The following NFIA variants were observed in gnomAD, a reference collection of about 807,000 sequenced individuals.
NFIA encodes the protein nuclear factor 1 A-type.
NFIA carries 8 observed loss-of-function variants against 62.8 expected under a neutral mutation model. That is an observed-to-expected ratio of 0.13 (90% CI 0.07 to 0.23). The LOEUF (loss-of-function observed/expected upper bound fraction) is 0.23. NFIA is among the 10% of genes least tolerant of loss of function. The pLI is 1.00. For missense variants in NFIA, 410 were observed against 642.1 expected, an observed-to-expected ratio of 0.64 and a Z score of 3.91; for synonymous variants, 235 against 238.1, an observed-to-expected ratio of 0.99 and a Z score of 0.12.
intron 7 of NFIA, among the ~76,000 whole-genome samples, chr1:61,384,985 A>G (rs1664602442): frequency 6.6e-6 from 1 of 152,152 alleles, no homozygotes; most frequent in Non-Finnish European, 1.5e-5. Context: ...TAATCCTAGC[A>G]CTTTCTGAGG....
At chr1:61,136,563 C>T (rs1320023873) in intron 2 of NFIA, among the ~76,000 whole-genome samples, 3 of 151,914 alleles carry the variant, frequency 2.0e-5, no homozygotes, top group East Asian at 1.9e-4. Flanking sequence ...AAACCAATTG[C>T]GAAACATGGA....
At chr1:61,383,139 T>G in intron 6 of NFIA, 98 bp from the exon 7 acceptor site, 1 of 1,446,416 alleles carries the variant, frequency 6.9e-7, no homozygotes, top group Non-Finnish European at 9.5e-7. Flanking sequence ...GGATTTCTCT[T>G]TTTGTTTGTT....
chr1:61,116,340 A>G (rs1646793312), intron 2 of NFIA, among the ~76,000 whole-genome samples: 1 of 152,168 alleles, frequency 6.6e-6, no homozygotes. Flanking sequence ...AAGTGTAAGG[A>G]TTTTTAGTGC....
chr1:61,101,544 C>G (rs1195959414), intron 2 of NFIA, among the ~76,000 whole-genome samples: 2 of 151,670 alleles, frequency 1.3e-5, no homozygotes, highest in Admixed American at 1.3e-4. Context: ...GAAAATGAAA[C>G]AGCAGGAGAA....
intron 7 of NFIA, among the ~76,000 whole-genome samples, chr1:61,387,468 C>CTGTTTTTTTTT (rs1171901984): frequency 1.0e-5 from 1 of 95,480 alleles, no homozygotes; most frequent in African/African-American, 4.1e-5. Flanking sequence ...CAAGCACTTT[C>CTGTTTTTTTTT]TTTTTTTTTT....
intron 7 of NFIA, among the ~76,000 whole-genome samples, chr1:61,398,692 G>C (rs1029854922): frequency 6.6e-6 from 1 of 152,256 alleles, no homozygotes; most frequent in Admixed American, 6.5e-5. Flanking sequence ...TTTAGAAAAG[G>C]CATCACCTCT....
At chr1:61,118,468 A>C (rs1418784082) in intron 2 of NFIA, among the ~76,000 whole-genome samples, 1 of 152,134 alleles carries the variant, frequency 6.6e-6, no homozygotes, top group African/African-American at 2.4e-5. Context: ...GTGCACTTTG[A>C]GTGTGGGAAA....
intron 2 of NFIA, among the ~76,000 whole-genome samples, chr1:61,151,911 C>T (rs182217084): frequency 6.6e-6 from 1 of 152,260 alleles, no homozygotes; most frequent in African/African-American, 2.4e-5. Flanking sequence ...TCTGCAATCA[C>T]CCTCTATACT....
rs542754194 is a variant in NFIA at position 61,120,715 on chromosome 1, C to T, written c.559+32035C>T. 3.3e-5 allele frequency among the ~76,000 whole-genome samples: 5 copies of T among 152,292 alleles called. No homozygotes were observed. The South Asian group carries it at 6.2e-4, about 19-fold the overall frequency. On this transcript the variant is annotated intron_variant, in intron 2 of 10. Transcript: ENST00000403491. Reference sequence around the variant, plus strand: ...CAGTTTGCATTTTGGAAGTTATTAACAATCTGCAGTTAAGTCCATTTAAAA... The same window carrying T: ...CAGTTTGCATTTTGGAAGTTATTAATAATCTGCAGTTAAGTCCATTTAAAA...
In NFIA at chr1:61,200,068, G is replaced by GTGTATATATATATATA. The variant is rs1557632143; in HGVS notation, c.560-77451_560-77450insGTATATATATATATAT. Among the ~76,000 whole-genome samples the GTGTATATATATATATA allele has an allele frequency of 5.1e-3, 204 of 40,316 alleles. 9 individuals carry two copies. Among genetic ancestry groups the GTGTATATATATATATA allele is most frequent in the African/African-American group, 0.023 (183 of 7,990 alleles). The allele number at this position is 40,316 out of a possible 152,430, so 26.4% of individuals were successfully genotyped here. ...TATATATATATATATATATATATAT[G>GTGTATATATATATATA]TATGTATGTTGAGCTAGAATTATGC... On this transcript the variant is annotated intron_variant, in intron 2 of 10. Transcript: ENST00000403491.
chr1:61,085,941 T>C (rs1202367293), intron 1 of NFIA, among the ~76,000 whole-genome samples: 2 of 152,142 alleles, frequency 1.3e-5, no homozygotes, highest in Non-Finnish European at 2.9e-5. Context: ...CAGTTTGCAG[T>C]TTTTTGAAAA....
chr1:61,215,228 T>C (rs556941136), intron 2 of NFIA, among the ~76,000 whole-genome samples: 49 of 152,356 alleles, frequency 3.2e-4, no homozygotes, highest in African/African-American at 1.1e-3. Flanking sequence ...TACTGTTATA[T>C]GAAGTCTAAA....
chr1:61,421,269 G>A (rs1666606726), intron 9 of NFIA, among the ~76,000 whole-genome samples: 1 of 152,136 alleles, frequency 6.6e-6, no homozygotes, highest in Non-Finnish European at 1.5e-5. Flanking sequence ...GGATAGCAGC[G>A]TGTCTCACTC....
chr1:61,278,432 A>G (rs1303849940), intron 3 of NFIA, among the ~76,000 whole-genome samples: 2 of 152,138 alleles, frequency 1.3e-5, no homozygotes, highest in African/African-American at 2.4e-5. Flanking sequence ...GATAGCACTG[A>G]GGACTCTGGT....
At chr1:61,287,912 C>T (rs934027570) in intron 3 of NFIA, among the ~76,000 whole-genome samples, 25 of 152,226 alleles carry the variant, frequency 1.6e-4, no homozygotes, top group African/African-American at 5.8e-4. Context: ...AAAGGTCAAA[C>T]CACTGGAATT....
chr1:61,266,323 G>A (rs1468067372), intron 2 of NFIA, among the ~76,000 whole-genome samples: 2 of 151,992 alleles, frequency 1.3e-5, no homozygotes, highest in Non-Finnish European at 2.9e-5. Context: ...AGACCCTATT[G>A]TATTTTATGG....
intron 2 of NFIA, among the ~76,000 whole-genome samples, chr1:61,200,036 A>ATATATATATG (rs1652340573): frequency 1.1e-4 from 5 of 46,072 alleles, no homozygotes; most frequent in African/African-American, 5.5e-4. Flanking sequence ...ATATATATAT[A>ATATATATATG]TATATATATA....
intron 2 of NFIA, among the ~76,000 whole-genome samples, chr1:61,119,676 G>T (rs190499205): frequency 4.6e-5 from 7 of 152,152 alleles, no homozygotes; most frequent in Non-Finnish European, 5.9e-5. Context: ...AGGTTTGAAG[G>T]TTTGAGTTAC....
intron 9 of NFIA, among the ~76,000 whole-genome samples, chr1:61,413,502 A>G (rs971626315): frequency 2.0e-5 from 3 of 151,826 alleles, no homozygotes; most frequent in Non-Finnish European, 4.4e-5. Context: ...TGCTCTTTCT[A>G]CTACCTCATA....
Sources: allele counts gnomAD v4.1 joint callset (sites outside exome capture counted in the v4.1 genomes callset), GRCh38; gene constraint gnomAD v4.1.1; transcripts MANE v1.5; gene names NCBI Gene and HGNC (gene_info 2026-07-23, HGNC 2026-07-21).